The following NBEAL2 variants were observed in gnomAD, a reference collection of about 807,000 sequenced individuals.
NBEAL2 encodes neurobeachin like 2.
In NBEAL2, 160 loss-of-function variants were observed where a neutral mutation model predicts 299.8. The ratio of observed to expected loss-of-function variants is 0.53; its 90% CI spans 0.47 to 0.61. NBEAL2 has a LOEUF of 0.61. Among genes scored for constraint, NBEAL2 ranks in the 20% least tolerant of loss-of-function variants. The pLI is 0.00. For missense variants in NBEAL2, 3,112 were observed against 3,649.0 expected, an observed-to-expected ratio of 0.85 and a Z score of 3.79; for synonymous variants, 1,493 against 1,542.3, an observed-to-expected ratio of 0.97 and a Z score of 0.75.
rs1380796905 is a variant in NBEAL2, at chr3:46,995,325, C to T, written c.1590C>T (p.Pro530=). Residue 530 remains proline, a synonymous_variant, in exon 13 of 54, where the codon CCC becomes CCT. Transcript: ENST00000450053. ...LQALGRVSIR[P]MELRHLLRPR... ...CACTGGGCCGTGTATCAATAAGGCCCATGGAGCTGCGTCACCTGCTGCGCC... is the reference window on the plus strand; with the variant it reads ...CACTGGGCCGTGTATCAATAAGGCCTATGGAGCTGCGTCACCTGCTGCGCC... The T allele has an allele frequency of 6.3e-7, 1 of 1,597,988 alleles. No homozygotes were observed. Among genetic ancestry groups the T allele is most frequent in the East Asian group, 2.3e-5 (1 of 43,970 alleles).
Position 46,999,249 on chromosome 3 carries a change from C to T in NBEAL2, c.3544-66C>T, listed in dbSNP as rs775316714. ...GGGCCTCTTGAGCCACACACCTGCA[C>T]GGTGACTTCCCCTCCTACAGTAACT... On this transcript the variant is annotated intron_variant, in intron 24 of 53. Transcript: ENST00000450053. The T allele has an allele frequency of 3.8e-5, 59 of 1,557,890 alleles. 3 individuals are homozygous for T. The South Asian group carries it at 4.3e-4, about 11-fold the overall frequency.
Position 47,003,794 on chromosome 3 carries a change from G to A in NBEAL2, c.5721-22G>A, listed in dbSNP as rs1219971139. On this transcript the variant is annotated intron_variant, in intron 35 of 53. Transcript: ENST00000450053. The surrounding 1 kb of genome is among the most constrained non-coding windows in gnomAD (Gnocchi z 7.0). ...AAGGGGGTCCCAGAGCCTACAGCGT[G>A]AGGTGGGTTGCTGGTCTTTAGGATG... 1.4e-5 allele frequency: 22 copies of A among 1,574,830 alleles called. No homozygotes were observed. In the Admixed American group the frequency reaches 3.7e-4, roughly 26 times the overall value.
chr3:47,001,755 G>C lies in NBEAL2; in HGVS notation c.4711G>C (p.Ala1571Pro). 1 of 1,613,954 alleles carries C rather than the reference G, an allele frequency of 6.2e-7. No homozygotes were observed. The stretch of plus-strand genomic sequence containing the variant: ...CTGGCCCCACCTGGCCAACGGCACA[G>C]CTGATCTCCGTGAGATGGCGCAGAT... ...GAWPHLANGT[A>P]DLREMAQIGL... is the part of the protein sequence containing the mutation. The change falls in exon 30 of 54, where the codon GCT (alanine) becomes CCT (proline). Residue 1571 changes from alanine to proline, a missense_variant. This residue lies in a region of NBEAL2 where 2,243 missense variants were observed against 2,538.1 expected (regional missense o/e 0.88). Transcript: ENST00000450053. The surrounding 1 kb of genome is among the most constrained non-coding windows in gnomAD (Gnocchi z 6.1).
At position 47,002,184 on chromosome 3, in the gene NBEAL2, T is replaced by C. The variant is rs917830607; in HGVS notation, c.5047T>C (p.Trp1683Arg). 6.5e-7 allele frequency: 1 copy of C among 1,527,166 alleles called. No homozygotes were observed. Among genetic ancestry groups the C allele is most frequent in the Non-Finnish European group, 8.8e-7 (1 of 1,132,686 alleles). The allele number at this position is 1,527,166 out of a possible 1,614,324, so 94.6% of individuals were successfully genotyped here. ...DRAYEPLGLQ[W>R]GLPSLPPTNG... Reference sequence around the variant, plus strand: ...TGCCTATGAGCCGCTGGGGCTGCAGTGGGGACTGCCCTCCCTGCCACCCAC... The same window carrying C: ...TGCCTATGAGCCGCTGGGGCTGCAGCGGGGACTGCCCTCCCTGCCACCCAC... Residue 1683 changes from tryptophan to arginine, a missense_variant, in exon 31 of 54, where the codon TGG (tryptophan) becomes CGG (arginine). Transcript: ENST00000450053.
Position 47,001,028 on chromosome 3 carries a change from C to T in NBEAL2, c.4333C>T (p.Leu1445=). Residue 1445 remains leucine, a synonymous_variant, in exon 28 of 54, where the codon CTG becomes TTG. Coordinates refer to ENST00000450053, the MANE Select transcript of NBEAL2 (RefSeq NM_015175.3). The surrounding 1 kb of genome is among the most constrained non-coding windows in gnomAD (Gnocchi z 6.1). ...AACCTCTGAGGAAGAGTTGTGCAAT[C>T]TGCTCACCAACGTGCTGTTCTCGGT... ...QQTSEEELCN[L]LTNVLFSVTW... The T allele has an allele frequency of 6.2e-7, 1 of 1,611,672 alleles. No homozygotes were observed. Among genetic ancestry groups the T allele is most frequent in the East Asian group, 2.2e-5 (1 of 44,850 alleles).
At chr3:47,008,806 AT>A in intron 52 of NBEAL2, 138 bp downstream of exon 52, 1 of 1,451,486 alleles carries the variant, frequency 6.9e-7, no homozygotes, top group Non-Finnish European at 9.3e-7. Context: ...TCATCTTCCC[AT>A]GGGGAGGTCT....
chr3:46,994,706 G>A (rs757279523), intron 12 of NBEAL2, among the ~76,000 whole-genome samples, 153 bp downstream of exon 12: 2 of 152,220 alleles, frequency 1.3e-5, no homozygotes, highest in Non-Finnish European at 2.9e-5. Flanking sequence ...TAGTGTCACT[G>A]GAATGAGGAT....
At position 46,979,855 on chromosome 3, in the gene NBEAL2, C is replaced by T; in HGVS notation, c.-7C>T. On this transcript the variant is annotated 5_prime_UTR_variant, in exon 1 of 54. Transcript: ENST00000450053. ...GGCGCGCAGCAGGGCCGGAGCCGGG[C>T]CGGGCCATGGCCGCCTCGGAGCGGC... 1 of 461,412 alleles carries T rather than the reference C, an allele frequency of 2.2e-6. No individual in the cohort carries two copies. The highest frequency in any genetic ancestry group is 3.9e-6 in the Non-Finnish European group (1 of 257,578). The allele number at this position is 461,412 out of a possible 1,614,324, so 28.6% of individuals were successfully genotyped here.
chr3:46,997,174 C>A (rs2107354967), intron 18 of NBEAL2, 85 bp from the exon 19 acceptor site: 11 of 1,577,368 alleles, frequency 7.0e-6, no homozygotes, highest in Non-Finnish European at 8.6e-6. Flanking sequence ...GAGAGCAAAA[C>A]TTCCTTTCTG....
Position 46,994,019 on chromosome 3 carries a change from A to G in NBEAL2, c.1196A>G (p.Lys399Arg), listed in dbSNP as rs776143309. 1.9e-6 allele frequency: 3 copies of G among 1,609,028 alleles called. No individual in the cohort carries two copies. The Admixed American group carries it at 5.0e-5, about 27-fold the overall frequency. The change falls in exon 11 of 54, where the codon AAG becomes AGG. Residue 399 changes from lysine (K) to arginine (R), a missense_variant and splice_region_variant. Physicochemically the swap from Lys to Arg is conservative, Grantham distance 26 (BLOSUM62 2). This residue lies in a region of NBEAL2 where 2,243 missense variants were observed against 2,538.1 expected (regional missense o/e 0.88). Transcript: ENST00000450053. ...TCIMSDSPSA[K>R]EVFKERIGYP... Reference sequence around the variant, plus strand: ...ATCATGAGTGACTCCCCCTCGGCCAAGGTGAGGCTGCTGCACTGCAGCTTT... The same window carrying G: ...ATCATGAGTGACTCCCCCTCGGCCAGGGTGAGGCTGCTGCACTGCAGCTTT...
rs751604695 is a variant in NBEAL2, at chr3:47,002,741, C to T, written c.5398C>T (p.Leu1800=). ...GCAGGCAACGCAGCACTCCATGGCC[C>T]TGCTGCACTGGGGGGCGCTGTGGCG... The part of the protein sequence containing the change: ...KQQATQHSMA[L]LHWGALWRQL... The change falls in exon 33 of 54, where the codon CTG becomes TTG. Residue 1800 remains leucine (L), a synonymous_variant. Coordinates refer to ENST00000450053, the MANE Select transcript of NBEAL2 (RefSeq NM_015175.3). 34 of 1,585,102 alleles carry T rather than the reference C, an allele frequency of 2.1e-5. No homozygotes were observed. Among genetic ancestry groups the T allele is most frequent in the Non-Finnish European group, 2.9e-5 (34 of 1,169,826 alleles).
At position 46,992,506 on chromosome 3, in the gene NBEAL2, G is replaced by A; in HGVS notation, c.1064G>A (p.Gly355Glu). ...LYLQSRAPPEGDSDLATRLLT... is the reference protein window; with the variant it reads ...LYLQSRAPPEEDSDLATRLLT... The stretch of plus-strand genomic sequence containing the variant: ...CTGCAGTCCCGGGCGCCCCCCGAGG[G>A]GGACAGTGACCTGGCTACCCGGTTA... Residue 355 changes from glycine (G) to glutamate (E), a missense_variant, in exon 10 of 54, where the codon GGG (glycine) becomes GAG (glutamate). By Grantham distance (98) the Gly-to-Glu change is moderately conservative. Transcript: ENST00000450053. 1 of 1,606,696 alleles carries A rather than the reference G, an allele frequency of 6.2e-7. No individual in the cohort carries two copies. The highest frequency in any genetic ancestry group is 8.5e-7 in the Non-Finnish European group (1 of 1,177,034).
rs2035798346 is a variant in NBEAL2 at position 46,988,026 on chromosome 3, T to G, written c.52-643T>G. ...TTCCTGGCAGCGCCTAGACCTGGGC[T>G]TAGCCACTGCCCCTCTTGCCCATGG... is the stretch of plus-strand genomic sequence containing the variant. On this transcript the variant is annotated intron_variant, in intron 1 of 53. Transcript: ENST00000450053. The surrounding 1 kb of genome is among the most constrained non-coding windows in gnomAD (Gnocchi z 4.4). The G allele has an allele frequency of 7.8e-7, 1 of 1,279,660 alleles. No individual in the cohort carries two copies. The highest frequency in any genetic ancestry group is 1.5e-5 in the African/African-American group (1 of 64,978). The allele number at this position is 1,279,660 out of a possible 1,614,324, so 79.3% of individuals were successfully genotyped here.
intron 1 of NBEAL2, among the ~76,000 whole-genome samples, chr3:46,980,713 G>A (rs910987984): frequency 2.6e-5 from 4 of 152,066 alleles, no homozygotes; most frequent in African/African-American, 9.7e-5. Flanking sequence ...CTCAGACGTG[G>A]GTGTCCCATC....
rs763715435 is a variant in NBEAL2 at position 47,002,406 on chromosome 3, G to A, written c.5187G>A (p.Thr1729=). 8.1e-6 allele frequency: 13 copies of A among 1,613,520 alleles called. No individual in the cohort carries two copies. The highest frequency in any genetic ancestry group is 1.1e-5 in the South Asian group (1 of 91,094). The part of the protein sequence containing the change: ...QPTMSQFEMD[T]YAKSHDLMSG... The stretch of plus-strand genomic sequence containing the variant: ...CCATGTCCCAGTTCGAAATGGACAC[G>A]TATGCTAAGAGCCACGACCTTATGT... Residue 1729 remains threonine, a synonymous_variant, in exon 32 of 54, where the codon ACG becomes ACA. Transcript: ENST00000450053.
Position 46,995,452 on chromosome 3 carries a change from G to A in NBEAL2, c.1717G>A (p.Gly573Ser). The A allele has an allele frequency of 6.2e-7, 1 of 1,612,844 alleles. No homozygotes were observed. Among genetic ancestry groups the A allele is most frequent in the Non-Finnish European group, 8.5e-7 (1 of 1,179,886 alleles). The change falls in exon 13 of 54, where the codon GGT becomes AGT. Residue 573 changes from glycine (G) to serine (S), a missense_variant. Transcript: ENST00000450053. ...RTLSGMARHQ[G>S]PARALRYFDL... ...ATTATCAGGCATGGCCAGGCACCAG[G>A]GTCCTGCACGTGCTCTGCGCTACTT...
rs376942074 is a variant in NBEAL2 at position 46,995,546 on chromosome 3, C to G, written c.1811C>G (p.Thr604Ser). 1 of 1,612,720 alleles carries G rather than the reference C, an allele frequency of 6.2e-7. No homozygotes were observed. Among genetic ancestry groups the G allele is most frequent in the Non-Finnish European group, 8.5e-7 (1 of 1,179,894 alleles). ...CAGCGATGGCCAGGGCCTGGCTTCA[C>G]CTTTCATGCCTGGCTCTGTCTGCAC... is the stretch of plus-strand genomic sequence containing the variant. Reference protein sequence around the residue: ...PVQRWPGPGFTFHAWLCLHPM... With the variant: ...PVQRWPGPGFSFHAWLCLHPM... The change falls in exon 13 of 54, where the codon ACC becomes AGC. Residue 604 changes from threonine to serine, a missense_variant. By Grantham distance (58) the Thr-to-Ser change is moderately conservative. Around this residue, in one of 3 missense-constraint regions of NBEAL2, gnomAD observed 2,243 missense variants for 2,538.1 expected, o/e 0.88. Transcript: ENST00000450053.
At position 46,989,337 on chromosome 3, in the gene NBEAL2, G is replaced by T; in HGVS notation, c.429G>T (p.Glu143Asp). ...NVALHALLLCEGLFDPYQTWR... is the reference protein window; with the variant it reads ...NVALHALLLCDGLFDPYQTWR... ...CCCTACATGCTCTGCTTCTCTGCGAGGGCCTCTTTGACCCTTACCAAACCT... is the reference window on the plus strand; with the variant it reads ...CCCTACATGCTCTGCTTCTCTGCGATGGCCTCTTTGACCCTTACCAAACCT... Residue 143 changes from glutamate to aspartate, a missense_variant, in exon 5 of 54, where the codon GAG becomes GAT. Physicochemically the swap from Glu to Asp is conservative, Grantham distance 45 (BLOSUM62 2). Around this residue, in one of 3 missense-constraint regions of NBEAL2, gnomAD observed 2,243 missense variants for 2,538.1 expected, o/e 0.88. Coordinates refer to ENST00000450053, the MANE Select transcript of NBEAL2 (RefSeq NM_015175.3). This position sits in a 1 kb window ranked among gnomAD's most constrained non-coding sequence, Gnocchi z 5.5. 6.3e-7 allele frequency: 1 copy of T among 1,589,954 alleles called. No homozygotes were observed. The highest frequency in any genetic ancestry group is 2.3e-5 in the East Asian group (1 of 43,582).
At chr3:47,002,907 G>T in intron 33 of NBEAL2, 50 bp from the exon 34 acceptor site, 2 of 1,599,140 alleles carry the variant, frequency 1.3e-6, no homozygotes, top group Non-Finnish European at 1.7e-6. Flanking sequence ...GGGAGGGATG[G>T]GGGTGTCTAC....
Sources: allele counts gnomAD v4.1 joint callset (sites outside exome capture counted in the v4.1 genomes callset), GRCh38; gene constraint gnomAD v4.1.1; regional missense constraint gnomAD v4.1.1; non-coding constraint Gnocchi (gnomAD v3.1); transcripts MANE v1.5; gene names NCBI Gene and HGNC (gene_info 2026-07-23, HGNC 2026-07-21).